The following MYO1D variants were observed in gnomAD, a reference collection of about 807,000 sequenced individuals.
MYO1D encodes the protein unconventional myosin-Id.
A neutral mutation model predicts 122.0 loss-of-function variants in MYO1D; 83 were observed. That is an observed-to-expected ratio of 0.68 (90% CI 0.57 to 0.82). The LOEUF (loss-of-function observed/expected upper bound fraction) is 0.82. MYO1D is among the 40% of genes least tolerant of loss of function. The probability of loss-of-function intolerance (pLI) is 0.00; values close to 1 mark genes in which losing one functional copy is unlikely to be tolerated. For missense variants in MYO1D, 1,157 were observed against 1,269.5 expected (o/e 0.91, Z 1.35); for synonymous variants, 464 against 446.9 (o/e 1.04, Z -0.48).
At chr17:32,660,570 C>T (rs187582518) in intron 16 of MYO1D, among the ~76,000 whole-genome samples, 1 of 152,302 alleles carries the variant, frequency 6.6e-6, no homozygotes, top group East Asian at 1.9e-4. Context: ...TTTGTTTGCA[C>T]ACTACGTGCA....
At chr17:32,751,291 AATG>A (rs1439765946) in intron 11 of MYO1D, among the ~76,000 whole-genome samples, 1 of 152,184 alleles carries the variant, frequency 6.6e-6, no homozygotes, top group Non-Finnish European at 1.5e-5. Context: ...ACCCGTAGCA[AATG>A]ATGATATCCA....
intron 21 of MYO1D, among the ~76,000 whole-genome samples, chr17:32,565,675 T>C (rs2087166492): frequency 6.6e-6 from 1 of 152,196 alleles, no homozygotes; most frequent in Non-Finnish European, 1.5e-5. Flanking sequence ...CACTGGCATC[T>C]GAACAGGAAG....
chr17:32,609,632 T>A (rs766017327), intron 20 of MYO1D, among the ~76,000 whole-genome samples: 1 of 152,162 alleles, frequency 6.6e-6, no homozygotes, highest in Non-Finnish European at 1.5e-5. Context: ...GTTCTTTCCA[T>A]CACACCAGGT....
rs143680391 is a variant in MYO1D at position 32,774,755 on chromosome 17, C to A, written c.564+1109G>T. 8.3e-4 allele frequency among the ~76,000 whole-genome samples: 126 copies of A among 152,304 alleles called. No homozygotes were observed. In the East Asian group the frequency reaches 0.018, roughly 21 times the overall value. On this transcript the variant is annotated intron_variant, in intron 4 of 21. Coordinates refer to ENST00000318217, the MANE Select transcript of MYO1D (RefSeq NM_015194.3). ...ATTTCCTGTCCTTTTTCAACTGACT[C>A]TGATAATACATTTATTTCCTTAACA...
intron 20 of MYO1D, among the ~76,000 whole-genome samples, chr17:32,628,886 A>C (rs1315860390): frequency 6.6e-6 from 1 of 152,244 alleles, no homozygotes; most frequent in Non-Finnish European, 1.5e-5. Flanking sequence ...ACTCCTATTT[A>C]TTCAATAGAT....
chr17:32,523,113 C>T (rs911739893), intron 21 of MYO1D, among the ~76,000 whole-genome samples: 1 of 152,194 alleles, frequency 6.6e-6, no homozygotes, highest in African/African-American at 2.4e-5. Flanking sequence ...CCACGCCTGG[C>T]CCCCCATGCC....
At chr17:32,554,284 T>C (rs1325495721) in intron 21 of MYO1D, among the ~76,000 whole-genome samples, 1 of 152,142 alleles carries the variant, frequency 6.6e-6, no homozygotes, top group East Asian at 1.9e-4. Context: ...TCTGTACAAT[T>C]AGACTGTGTG....
At chr17:32,662,529 C>T (rs1384727461) in intron 16 of MYO1D, among the ~76,000 whole-genome samples, 1 of 152,092 alleles carries the variant, frequency 6.6e-6, no homozygotes, top group Non-Finnish European at 1.5e-5. Flanking sequence ...AAAAATTAGG[C>T]AAGTGTGGTG....
At chr17:32,704,465 T>C (rs561817668) in intron 16 of MYO1D, among the ~76,000 whole-genome samples, 38 of 152,140 alleles carry the variant, frequency 2.5e-4, no homozygotes, top group Non-Finnish European at 5.0e-4. Context: ...GGTGGGAACA[T>C]AAATTGGTAC....
chr17:32,769,714 G>C (rs1297911525), intron 6 of MYO1D, among the ~76,000 whole-genome samples: 2 of 151,678 alleles, frequency 1.3e-5, no homozygotes, highest in African/African-American at 4.8e-5. Context: ...GTAAGATTTA[G>C]TGTATTTTTG....
intron 21 of MYO1D, among the ~76,000 whole-genome samples, chr17:32,572,759 G>A (rs1461334005): frequency 6.6e-6 from 1 of 151,954 alleles, no homozygotes; most frequent in East Asian, 1.9e-4. Context: ...ACTGTCACAG[G>A]CTAATTTCCA....
At chr17:32,689,509 G>A (rs542211104) in intron 16 of MYO1D, among the ~76,000 whole-genome samples, 1 of 152,296 alleles carries the variant, frequency 6.6e-6, no homozygotes, top group Non-Finnish European at 1.5e-5. Context: ...AGTTACGAAT[G>A]ATGCCCGCCT....
At position 32,873,942 on chromosome 17, in the gene MYO1D, A is replaced by AC. The variant is rs528782692; in HGVS notation, c.95+2835dup. ...AGCTGGTGATTCCTCCCACCTCTCC[A>AC]CAACACCAACCCCTTCCCTTCCAAA... On this transcript the variant is annotated intron_variant, in intron 1 of 21. Transcript: ENST00000318217. Among the ~76,000 whole-genome samples, 288 of 152,326 alleles carry AC rather than the reference A, an allele frequency of 1.9e-3. 1 individual carries two copies. Among genetic ancestry groups the AC allele is most frequent in the African/African-American group, 6.4e-3 (267 of 41,568 alleles).
chr17:32,871,057 G>A (rs2091174867), intron 1 of MYO1D, among the ~76,000 whole-genome samples: 1 of 152,164 alleles, frequency 6.6e-6, no homozygotes, highest in African/African-American at 2.4e-5. Context: ...CTCACATCTG[G>A]TCTTGAAGGA....
chr17:32,729,156 C>G (rs1383108773), intron 14 of MYO1D, among the ~76,000 whole-genome samples: 1 of 151,810 alleles, frequency 6.6e-6, no homozygotes, highest in Non-Finnish European at 1.5e-5. Flanking sequence ...TTTCACCTGT[C>G]TCTCCCTATA....
At chr17:32,737,646 A>G (rs1030872243) in intron 14 of MYO1D, among the ~76,000 whole-genome samples, 3 of 152,102 alleles carry the variant, frequency 2.0e-5, no homozygotes, top group African/African-American at 7.2e-5. Flanking sequence ...TGCCTGGCTA[A>G]TTTTTTAACT....
intron 1 of MYO1D, among the ~76,000 whole-genome samples, chr17:32,816,868 G>A (rs1275611759): frequency 6.6e-6 from 1 of 151,976 alleles, no homozygotes; most frequent in Non-Finnish European, 1.5e-5. Context: ...ATATAATACA[G>A]TCCCTTTTTG....
intron 21 of MYO1D, among the ~76,000 whole-genome samples, chr17:32,579,368 CCA>C (rs2087307686): frequency 6.6e-6 from 1 of 152,158 alleles, no homozygotes; most frequent in Non-Finnish European, 1.5e-5. Flanking sequence ...CACGTCCAGC[CCA>C]ATGTATTTTC....
At chr17:32,770,509 CTAT>C (rs199589075) in intron 6 of MYO1D, among the ~76,000 whole-genome samples, 2,483 of 151,896 alleles carry the variant, frequency 0.016, 26 homozygotes, top group Non-Finnish European at 0.025. Context: ...TATCAACAAA[CTAT>C]TATTATAATT....
Sources: allele counts gnomAD v4.1 joint callset (sites outside exome capture counted in the v4.1 genomes callset), GRCh38; gene constraint gnomAD v4.1.1; transcripts MANE v1.5; gene names NCBI Gene and HGNC (gene_info 2026-07-23, HGNC 2026-07-21).